Variants in FKBP6 observed in about 807,000 individuals in gnomAD.
FKBP6 encodes the protein FKBP prolyl isomerase family member 6 (inactive), also known as inactive peptidyl-prolyl cis-trans isomerase FKBP6.
In FKBP6, 29 loss-of-function variants were observed where a neutral mutation model predicts 41.7. That is an observed-to-expected ratio of 0.70 (90% CI 0.52 to 0.95). FKBP6 has a LOEUF of 0.95. Among genes scored for constraint, FKBP6 ranks in the 40% least tolerant of loss-of-function variants. FKBP6 has a pLI of 0.00. For synonymous variants in FKBP6, 130 were observed against 165.1 expected (o/e 0.79, Z 1.63); for missense variants, 338 against 408.7 (o/e 0.83, Z 1.49).
chr7:73,353,571 T>G (rs986269086), intron 8 of FKBP6, among the ~76,000 whole-genome samples: 1 of 152,192 alleles, frequency 6.6e-6, no homozygotes, highest in Non-Finnish European at 1.5e-5. Flanking sequence ...TGCTGTTTGT[T>G]TACTGCACTT....
chr7:73,341,552 G>C (rs1339152703), intron 7 of FKBP6, among the ~76,000 whole-genome samples, 170 bp downstream of exon 7: 1 of 151,796 alleles, frequency 6.6e-6, no homozygotes, highest in African/African-American at 2.4e-5. Context: ...TGCACCAGCA[G>C]TTCCCAGCAA....
At chr7:73,347,009 C>T (rs1402244459) in intron 8 of FKBP6, among the ~76,000 whole-genome samples, 1 of 152,270 alleles carries the variant, frequency 6.6e-6, no homozygotes, top group Non-Finnish European at 1.5e-5. Context: ...CCATGAGGGG[C>T]GGCCAGAACT....
At chr7:73,349,859 GA>G (rs1480708159) in intron 8 of FKBP6, among the ~76,000 whole-genome samples, 3 of 152,010 alleles carry the variant, frequency 2.0e-5, no homozygotes, top group Non-Finnish European at 4.4e-5. Context: ...ACAATTGGTT[GA>G]ATGGTTGGCC....
chr7:73,337,065 A>C (rs1385805830), intron 5 of FKBP6: 1 of 321,694 alleles, frequency 3.1e-6, no homozygotes, highest in African/African-American at 2.2e-5. Flanking sequence ...GCCTGTAGAA[A>C]ACTGTTTCCA....
At chr7:73,351,732 T>A (rs1289490445) in intron 8 of FKBP6, among the ~76,000 whole-genome samples, 2 of 152,202 alleles carry the variant, frequency 1.3e-5, no homozygotes, top group Admixed American at 1.3e-4. Flanking sequence ...TAAGATTTAC[T>A]GTTGTGGATT....
intron 8 of FKBP6, among the ~76,000 whole-genome samples, chr7:73,344,850 G>A (rs1554550083): frequency 5.3e-5 from 8 of 152,210 alleles, no homozygotes; most frequent in Non-Finnish European, 8.8e-5. Flanking sequence ...CTCCCAAAGT[G>A]CTGGGATTAC....
At position 73,348,060 on chromosome 7, in the gene FKBP6, G is replaced by A. The variant is rs1172573392; in HGVS notation, c.*2+5161G>A. 3.3e-5 allele frequency among the ~76,000 whole-genome samples: 5 copies of A among 152,220 alleles called. No individual in the cohort carries two copies. The East Asian group carries it at 5.8e-4, about 18-fold the overall frequency. On this transcript the variant is annotated intron_variant, in intron 8 of 8. Coordinates refer to ENST00000252037, the MANE Select transcript of FKBP6 (RefSeq NM_003602.5). ...CTAGAGGCTTAAGCTTTTAAGAGCC[G>A]AGAAATTCCTCTATACTATTTCTTA...
At chr7:73,350,697 T>G (rs927933885) in intron 8 of FKBP6, among the ~76,000 whole-genome samples, 4 of 152,144 alleles carry the variant, frequency 2.6e-5, no homozygotes. Context: ...GGCAAGGTTG[T>G]GGAGAGTACT....
At chr7:73,354,915 G>A (rs1563325255) in intron 8 of FKBP6, among the ~76,000 whole-genome samples, 2 of 152,304 alleles carry the variant, frequency 1.3e-5, no homozygotes, top group East Asian at 1.9e-4. Context: ...CGCCACCGTG[G>A]GAACGGCACC....
Position 73,341,158 on chromosome 7 carries a change from A to G in FKBP6, c.784-115A>G, listed in dbSNP as rs1463495199. The G allele has an allele frequency of 4.9e-6, 4 of 811,682 alleles. No homozygotes were observed. In the East Asian group the frequency reaches 7.3e-5, roughly 15 times the overall value. 50.3% of individuals were successfully genotyped at this position (811,682 alleles called of 1,614,324 possible). A position where few individuals can be genotyped will look rare whatever the true frequency, so the allele number is the denominator to read the frequency against. On this transcript the variant is annotated intron_variant, in intron 6 of 8. Transcript: ENST00000252037. ...AGGCTGGTCTGGAATCCCTGACCTC[A>G]GTTGATCCGCCCGCCTTGGCCTCCC... is the stretch of plus-strand genomic sequence containing the variant.
rs2116012247 is a variant in FKBP6, at chr7:73,358,588, T to G, written c.*410T>G. On this transcript the variant is annotated 3_prime_UTR_variant, in exon 9 of 9. Coordinates refer to ENST00000252037, the MANE Select transcript of FKBP6 (RefSeq NM_003602.5). ...AGACAGAATTATGTTACAAATGTTT[T>G]TGTTGTAAATAAATAAAACACTTCC... 6.5e-6 allele frequency: 1 copy of G among 152,746 alleles called. No individual in the cohort carries two copies. The highest frequency in any genetic ancestry group is 2.1e-4 in the South Asian group (1 of 4,828). 9.5% of individuals were successfully genotyped at this position (152,746 alleles called of 1,614,324 possible).
Position 73,328,279 on chromosome 7 carries a change from G to C in FKBP6, c.-150G>C. 9 of 1,549,076 alleles carry C rather than the reference G, an allele frequency of 5.8e-6. No individual in the cohort carries two copies. Among genetic ancestry groups the C allele is most frequent in the Non-Finnish European group, 7.8e-6 (9 of 1,146,542 alleles). ...CGGCGGTTGGAACGAAACGATGAGT[G>C]CCTCCTCGTGGCCCCAGAATGGAAT... On this transcript the variant is annotated 5_prime_UTR_variant, in exon 1 of 9. Transcript: ENST00000252037.
rs1471009398 is a variant in FKBP6, at chr7:73,328,648, GAGA to G, written c.134_136del (p.Glu45del). The G allele has an allele frequency of 1.2e-6, 2 of 1,611,764 alleles. No homozygotes were observed. The highest frequency in any genetic ancestry group is 1.7e-6 in the Non-Finnish European group (2 of 1,179,786). On this transcript the variant is annotated inframe_deletion, in exon 2 of 9. Coordinates refer to ENST00000252037, the MANE Select transcript of FKBP6 (RefSeq NM_003602.5). ...CGGGGCGTGCTGAAGGACGTCATCCGAGAAGGAGCTGGAGACCTAGTGGCGCCT... is the reference window on the plus strand; with the variant it reads ...CGGGGCGTGCTGAAGGACGTCATCCGAGGAGCTGGAGACCTAGTGGCGCCT...
At chr7:73,340,469 G>A (rs145871309) in intron 5 of FKBP6, among the ~76,000 whole-genome samples, 169 bp from the exon 6 acceptor site, 7 of 152,304 alleles carry the variant, frequency 4.6e-5, no homozygotes, top group African/African-American at 9.6e-5. Context: ...ACAAGACTCC[G>A]TCTGAAAAAA....
chr7:73,354,017 G>A (rs1322096298), intron 8 of FKBP6, among the ~76,000 whole-genome samples: 4 of 152,166 alleles, frequency 2.6e-5, no homozygotes, highest in Non-Finnish European at 2.9e-5. Flanking sequence ...TTAAACAAGC[G>A]TGGCAGTTTG....
chr7:73,330,602 T>A (rs138388093), intron 4 of FKBP6, among the ~76,000 whole-genome samples: 185 of 152,316 alleles, frequency 1.2e-3, no homozygotes, highest in African/African-American at 4.3e-3. Flanking sequence ...TTGAACTGAT[T>A]TTTCAGTCAT....
intron 5 of FKBP6, among the ~76,000 whole-genome samples, chr7:73,334,547 T>C (rs988499023): frequency 6.6e-6 from 1 of 151,912 alleles, no homozygotes; most frequent in Admixed American, 6.6e-5. Context: ...ACTTCAGGAG[T>C]CCAAGGTGGG....
At chr7:73,344,212 C>T (rs1412430310) in intron 8 of FKBP6, among the ~76,000 whole-genome samples, 1 of 152,228 alleles carries the variant, frequency 6.6e-6, no homozygotes, top group Non-Finnish European at 1.5e-5. Flanking sequence ...CCCACAAGTC[C>T]TGTCATGAAT....
intron 4 of FKBP6, 113 bp downstream of exon 4, chr7:73,330,465 C>T: frequency 1.2e-6 from 1 of 820,170 alleles, no homozygotes; most frequent in East Asian, 2.6e-5. Flanking sequence ...CCAGGGTACC[C>T]CCGCGGCTCC....
Sources: allele counts gnomAD v4.1 joint callset (sites outside exome capture counted in the v4.1 genomes callset), GRCh38; gene constraint gnomAD v4.1.1; transcripts MANE v1.5; gene names NCBI Gene and HGNC (gene_info 2026-07-23, HGNC 2026-07-21).